NAALADL2: variants seen among roughly 807,000 people sequenced by gnomAD.
NAALADL2 encodes N-acetylated alpha-linked acidic dipeptidase like 2, also known as inactive N-acetylated-alpha-linked acidic dipeptidase-like protein 2.
NAALADL2 carries 76 observed loss-of-function variants against 87.2 expected under a neutral mutation model. The ratio of observed to expected loss-of-function variants is 0.87; its 90% confidence interval spans 0.72 to 1.05. The LOEUF is 1.05. Ranked by LOEUF, NAALADL2 falls within the 50% of genes least tolerant of loss-of-function variation. The probability of loss-of-function intolerance (pLI) is 0.00; values close to 1 mark genes in which losing one functional copy is unlikely to be tolerated. For missense variants in NAALADL2, 1,089 were observed against 945.8 expected, an observed-to-expected ratio of 1.15 and a Z score of -1.99; for synonymous variants, 354 against 331.0, an observed-to-expected ratio of 1.07 and a Z score of -0.75.
chr3:175,382,162 C>T (rs898066054), intron 5 of NAALADL2, among the ~76,000 whole-genome samples: 1 of 151,956 alleles, frequency 6.6e-6, no homozygotes, highest in East Asian at 1.9e-4. Context: ...TTTGGATAAG[C>T]ACTGAAAATG....
At chr3:174,454,846 CA>C (rs1290377794) in intron 1 of NAALADL2, among the ~76,000 whole-genome samples, 1 of 151,926 alleles carries the variant, frequency 6.6e-6, no homozygotes, top group African/African-American at 2.4e-5. Context: ...AAGAGCAAAC[CA>C]ACCCCAGTGC....
At chr3:175,233,528 G>C (rs938067406) in intron 2 of NAALADL2, among the ~76,000 whole-genome samples, 1 of 152,088 alleles carries the variant, frequency 6.6e-6, no homozygotes, top group African/African-American at 2.4e-5. Context: ...TGCAGCCTCC[G>C]ACTCCCAGGC....
intron 1 of NAALADL2, among the ~76,000 whole-genome samples, chr3:174,882,596 T>A (rs1366242437): frequency 1.5e-5 from 2 of 137,816 alleles, no homozygotes; most frequent in East Asian, 3.9e-4. Context: ...TATGTGTATA[T>A]ACACATACAT....
chr3:175,714,309 G>A (rs942044634), intron 11 of NAALADL2, among the ~76,000 whole-genome samples: 1 of 152,146 alleles, frequency 6.6e-6, no homozygotes, highest in African/African-American at 2.4e-5. Flanking sequence ...TCGCCACACT[G>A]TCTTCCACAA....
At chr3:174,627,254 C>T (rs571713895) in intron 2 of NAALADL2, among the ~76,000 whole-genome samples, 23 of 152,156 alleles carry the variant, frequency 1.5e-4, no homozygotes, top group African/African-American at 4.8e-4. Context: ...AACCTTTACT[C>T]CTTAAGTCTT....
chr3:174,839,656 A>C (rs991817584), intron 3 of NAALADL2, among the ~76,000 whole-genome samples: 7 of 152,232 alleles, frequency 4.6e-5, no homozygotes, highest in South Asian at 4.1e-4. Flanking sequence ...AAGAAAAAAA[A>C]CAAATAATCC....
intron 2 of NAALADL2, among the ~76,000 whole-genome samples, chr3:174,659,213 A>G (rs1303005630): frequency 6.6e-6 from 1 of 152,184 alleles, no homozygotes; most frequent in East Asian, 1.9e-4. Context: ...TCTTGGAACT[A>G]GTGTCATTAA....
chr3:175,636,510 C>T (rs1728562793), intron 11 of NAALADL2, among the ~76,000 whole-genome samples: 1 of 151,822 alleles, frequency 6.6e-6, no homozygotes, highest in Admixed American at 6.6e-5. Flanking sequence ...ACCAACCTGG[C>T]CAATATGGTG....
intron 2 of NAALADL2, among the ~76,000 whole-genome samples, chr3:174,690,237 TTAAAG>T (rs1283861072): frequency 6.6e-6 from 1 of 152,218 alleles, no homozygotes; most frequent in African/African-American, 2.4e-5. Flanking sequence ...TTTTTTGTGA[TTAAAG>T]TAAGACGATC....
chr3:174,992,177 G>A (rs1229082982), intron 1 of NAALADL2, among the ~76,000 whole-genome samples: 1 of 151,830 alleles, frequency 6.6e-6, no homozygotes, highest in African/African-American at 2.4e-5. Context: ...TCAGGATTTA[G>A]GATTTTATTG....
At chr3:174,643,712 C>T (rs1214450288) in intron 2 of NAALADL2, among the ~76,000 whole-genome samples, 1 of 152,100 alleles carries the variant, frequency 6.6e-6, no homozygotes, top group Non-Finnish European at 1.5e-5. Context: ...TTGGAAATAC[C>T]ATTTTGAGCA....
chr3:175,755,132 G>A (rs2150132976), intron 12 of NAALADL2, 88 bp from the exon 13 acceptor site: 1 of 1,100,658 alleles, frequency 9.1e-7, no homozygotes, highest in Non-Finnish European at 1.3e-6. Context: ...GGTCTGTCTG[G>A]CTTATAACTT....
At position 175,803,336 on chromosome 3, in the gene NAALADL2, G is replaced by GTATT. The variant is rs1754419433; in HGVS notation, c.*135_*138dup. ...ACAAGTATAAAGCTATTATTACATT[G>GTATT]TATTTTTTAAATGTAAATATAGAAA... is the stretch of plus-strand genomic sequence containing the variant. On this transcript the variant is annotated 3_prime_UTR_variant, in exon 14 of 14. Transcript: ENST00000454872. 1 of 485,772 alleles carries GTATT rather than the reference G, an allele frequency of 2.1e-6. No individual in the cohort carries two copies. Among genetic ancestry groups the GTATT allele is most frequent in the Non-Finnish European group, 3.5e-6 (1 of 284,066 alleles). The allele number at this position is 485,772 out of a possible 1,614,324, so 30.1% of individuals were successfully genotyped here.
At chr3:175,745,598 G>GA (rs1329934552) in intron 12 of NAALADL2, among the ~76,000 whole-genome samples, 3 of 152,060 alleles carry the variant, frequency 2.0e-5, no homozygotes, top group Non-Finnish European at 2.9e-5. Flanking sequence ...ATAATGACAA[G>GA]AAAAAACAGT....
At chr3:174,930,672 A>G (rs557637087) in intron 1 of NAALADL2, among the ~76,000 whole-genome samples, 4 of 116,954 alleles carry the variant, frequency 3.4e-5, no homozygotes, top group Non-Finnish European at 6.5e-5. Context: ...CCCAGGCTGG[A>G]GTCCAGTGGC....
At chr3:175,223,204 A>T (rs1328710413) in intron 2 of NAALADL2, among the ~76,000 whole-genome samples, 1 of 151,852 alleles carries the variant, frequency 6.6e-6, no homozygotes, top group Non-Finnish European at 1.5e-5. Flanking sequence ...ACGAATTTGT[A>T]CATTAGATTC....
rs542895028 is a variant in NAALADL2, at chr3:175,239,026, T to A, written c.819+4822T>A. 1.7e-4 allele frequency among the ~76,000 whole-genome samples: 26 copies of A among 152,304 alleles called. No homozygotes were observed. In the South Asian group the frequency reaches 5.4e-3, roughly 32 times the overall value. ...GACCGTTTTGTGTAAGCTTCCAATTTGTGCTTTCTGGTAACCGTCTAAACA... is the reference window on the plus strand; with the variant it reads ...GACCGTTTTGTGTAAGCTTCCAATTAGTGCTTTCTGGTAACCGTCTAAACA... On this transcript the variant is annotated intron_variant, in intron 3 of 13. Coordinates refer to ENST00000454872, the MANE Select transcript of NAALADL2 (RefSeq NM_207015.3).
intron 5 of NAALADL2, among the ~76,000 whole-genome samples, chr3:175,349,552 G>A (rs984936732): frequency 1.3e-4 from 20 of 152,156 alleles, no homozygotes; most frequent in Non-Finnish European, 2.8e-4. Flanking sequence ...CCTATGCGGA[G>A]TTTTCCTTTT....
chr3:175,104,578 T>C (rs2108443256), intron 2 of NAALADL2, among the ~76,000 whole-genome samples: 1 of 152,250 alleles, frequency 6.6e-6, no homozygotes, highest in Admixed American at 6.5e-5. Flanking sequence ...TCTTCATGTT[T>C]TTTGTCCCTC....
Sources: allele counts gnomAD v4.1 joint callset (sites outside exome capture counted in the v4.1 genomes callset), GRCh38; gene constraint gnomAD v4.1.1; transcripts MANE v1.5; gene names NCBI Gene and HGNC (gene_info 2026-07-23, HGNC 2026-07-21).